The following MBOAT4 variants were observed in gnomAD, a reference collection of about 807,000 sequenced individuals.
MBOAT4 encodes the protein membrane bound ghrelin O-acyltransferase MBOAT4, also known as membrane-bound ghrelin O-acyltransferase MBOAT4.
In MBOAT4, 11 loss-of-function variants were observed where a neutral mutation model predicts 13.2. The ratio of observed to expected loss-of-function variants is 0.84; its 90% CI spans 0.53 to 1.38. MBOAT4 has a LOEUF of 1.38. Among genes scored for constraint, MBOAT4 ranks in the 40% most tolerant of loss-of-function variants. The pLI is 0.00. For synonymous variants in MBOAT4, 202 were observed against 210.3 expected, an observed-to-expected ratio of 0.96 and a Z score of 0.34; for missense variants, 481 against 527.2, an observed-to-expected ratio of 0.91 and a Z score of 0.86.
chr8:30,138,885 C>T lies in MBOAT4; in HGVS notation c.120-129G>A, dbSNP rs965306946. 40 of 626,820 alleles carry T rather than the reference C, an allele frequency of 6.4e-5. No individual in the cohort carries two copies. In the Admixed American group the frequency reaches 1.1e-3, roughly 17 times the overall value. 38.8% of individuals were successfully genotyped at this position (626,820 alleles called of 1,614,324 possible). A position where few individuals can be genotyped will look rare whatever the true frequency, so the allele number is the denominator to read the frequency against. On this transcript the variant is annotated intron_variant, in intron 1 of 2. Coordinates refer to ENST00000320542, the MANE Select transcript of MBOAT4 (RefSeq NM_001100916.2). ...ACACCTAAAGTAGCCATGCTGTTTGCACTCTGGGGCCTTCCTTTTGTTCTT... is the reference window on the plus strand; with the variant it reads ...ACACCTAAAGTAGCCATGCTGTTTGTACTCTGGGGCCTTCCTTTTGTTCTT...
At chr8:30,137,535 G>C in intron 2 of MBOAT4, 1 of 1,431,698 alleles carries the variant, frequency 7.0e-7, no homozygotes, top group Non-Finnish European at 9.6e-7. Flanking sequence ...ACTGCACCAT[G>C]TAGGCAACAC....
chr8:30,134,987 C>T (rs376153002), intron 2 of MBOAT4, among the ~76,000 whole-genome samples: 1 of 152,294 alleles, frequency 6.6e-6, no homozygotes, highest in East Asian at 1.9e-4. Context: ...TCAAGTGATC[C>T]TCCCACCTCT....
chr8:30,143,041 A>G (rs1268547856), intron 1 of MBOAT4, among the ~76,000 whole-genome samples: 6 of 152,200 alleles, frequency 3.9e-5, no homozygotes, highest in Non-Finnish European at 1.5e-5. Context: ...AAAAGGGTTG[A>G]AAAACTAACT....
rs1204414810 is a variant in MBOAT4 at position 30,137,320 on chromosome 8, G to A, written c.344+1212C>T. 9 of 1,551,620 alleles carry A rather than the reference G, an allele frequency of 5.8e-6. No individual in the cohort carries two copies. In the African/African-American group the frequency reaches 1.1e-4, roughly 19 times the overall value. ...CAAGATGGGAACAGCTGAGTCTGAA[G>A]GAAGAGAAACACTGACACAGCAGCT... is the stretch of plus-strand genomic sequence containing the variant. On this transcript the variant is annotated intron_variant, in intron 2 of 2. Transcript: ENST00000320542.
At chr8:30,139,334 A>G (rs992200532) in intron 1 of MBOAT4, among the ~76,000 whole-genome samples, 7 of 151,926 alleles carry the variant, frequency 4.6e-5, no homozygotes, top group Admixed American at 3.3e-4. Flanking sequence ...CTCCCAAGGT[A>G]TTCCACCGCC....
intron 2 of MBOAT4, 98 bp from the exon 3 acceptor site, chr8:30,133,004 G>A (rs1287346595): frequency 2.5e-6 from 3 of 1,220,622 alleles, no homozygotes; most frequent in East Asian, 2.6e-5. Context: ...AAATAGATAG[G>A]TCTGTACAGC....
rs1395202518 is a variant in MBOAT4 at position 30,144,627 on chromosome 8, CT to C, written c.-27del. 2.1e-6 allele frequency: 3 copies of C among 1,452,710 alleles called. No homozygotes were observed. Among genetic ancestry groups the C allele is most frequent in the South Asian group, 2.5e-5 (2 of 81,102 alleles). The allele number at this position is 1,452,710 out of a possible 1,614,324, so 90.0% of individuals were successfully genotyped here. Reference sequence around the variant, plus strand: ...TAGGAACCAGAACAAAAGAGCCTGTCTTTTCCAGTGTCCTTAACTGATGCCT... The same window carrying C: ...TAGGAACCAGAACAAAAGAGCCTGTCTTTCCAGTGTCCTTAACTGATGCCT... On this transcript the variant is annotated 5_prime_UTR_variant, in exon 1 of 3. Transcript: ENST00000320542.
At position 30,140,438 on chromosome 8, in the gene MBOAT4, C is replaced by T. The variant is rs4733393; in HGVS notation, c.120-1682G>A. On this transcript the variant is annotated intron_variant, in intron 1 of 2. Coordinates refer to ENST00000320542, the MANE Select transcript of MBOAT4 (RefSeq NM_001100916.2). ...TCAGCACCAACACTGGCTTTTGGGG[C>T]CCCCTGACTTTCTTCATTCTGTCCT... is the stretch of plus-strand genomic sequence containing the variant. 1.8e-4 allele frequency among the ~76,000 whole-genome samples: 28 copies of T among 151,816 alleles called. 1 individual carries two copies. Among genetic ancestry groups the T allele is most frequent in the African/African-American group, 6.3e-4 (26 of 41,338 alleles).
At position 30,132,166 on chromosome 8, in the gene MBOAT4, T is replaced by A; in HGVS notation, c.1085A>T (p.His362Leu). 6.4e-7 allele frequency: 1 copy of A among 1,551,204 alleles called. No individual in the cohort carries two copies. The highest frequency in any genetic ancestry group is 1.2e-5 in the South Asian group (1 of 84,038). The change falls in exon 3 of 3, where the codon CAC (histidine) becomes CTC (leucine). Residue 362 changes from histidine (H) to leucine (L), a missense_variant. His to Leu is a moderately conservative substitution (Grantham distance 99, BLOSUM62 -3). Transcript: ENST00000320542. ...TCTGATAAACTCATTGGCAAAGGAGTGAATCAGGTAGTCAGCTTCCACCAT... is the reference window on the plus strand; with the variant it reads ...TCTGATAAACTCATTGGCAAAGGAGAGAATCAGGTAGTCAGCTTCCACCAT... ...AVMVEADYLI[H>L]SFANEFIRSW...
chr8:30,135,798 C>A (rs576645460), intron 2 of MBOAT4, among the ~76,000 whole-genome samples: 1 of 151,312 alleles, frequency 6.6e-6, no homozygotes, highest in South Asian at 2.1e-4. Flanking sequence ...CCTGTGGTCC[C>A]AGCTACTGAG....
chr8:30,142,383 T>G (rs1169460911), intron 1 of MBOAT4, among the ~76,000 whole-genome samples: 1 of 151,954 alleles, frequency 6.6e-6, no homozygotes, highest in African/African-American at 2.4e-5. Context: ...TTTGACAGAG[T>G]CTCTCCCTGC....
intron 2 of MBOAT4, chr8:30,137,838 T>C (rs1803181403): frequency 6.4e-6 from 2 of 313,578 alleles, no homozygotes; most frequent in Non-Finnish European, 1.2e-5. Flanking sequence ...TTAGAAATTA[T>C]GGTTTAGGAG....
intron 1 of MBOAT4, among the ~76,000 whole-genome samples, chr8:30,141,090 C>T (rs1402632024): frequency 6.6e-6 from 1 of 152,092 alleles, no homozygotes; most frequent in Non-Finnish European, 1.5e-5. Flanking sequence ...ATCCTCTTGC[C>T]TCAGCTTCTC....
chr8:30,132,426 A>G lies in MBOAT4; in HGVS notation c.825T>C (p.Leu275=). The change falls in exon 3 of 3, where the codon CTT becomes CTC. Residue 275 remains leucine, a synonymous_variant. Coordinates refer to ENST00000320542, the MANE Select transcript of MBOAT4 (RefSeq NM_001100916.2). ...ATCCCTCCTCTCCAGGGCTCTGACC[A>G]AGCTCAGGCCCAAAGCCCGCTGCGT... ...LLHAAGFGPE[L]GQSPGEEGYV... 3 of 1,551,736 alleles carry G rather than the reference A, an allele frequency of 1.9e-6. No individual in the cohort carries two copies. The highest frequency in any genetic ancestry group is 2.6e-6 in the Non-Finnish European group (3 of 1,147,008).
intron 2 of MBOAT4, among the ~76,000 whole-genome samples, chr8:30,135,614 T>C (rs1376131404): frequency 6.6e-6 from 1 of 151,976 alleles, no homozygotes; most frequent in Non-Finnish European, 1.5e-5. Flanking sequence ...AGGAGAACAA[T>C]GAATGAAAAT....
intron 2 of MBOAT4, chr8:30,137,894 C>A: frequency 4.0e-6 from 1 of 251,398 alleles, no homozygotes; most frequent in Non-Finnish European, 7.8e-6. Context: ...TCCAATTGCT[C>A]CTGGGGATAA....
chr8:30,137,879 A>C, intron 2 of MBOAT4: 2 of 252,784 alleles, frequency 7.9e-6, no homozygotes, highest in East Asian at 1.0e-4. Flanking sequence ...AGATTCTGAC[A>C]CTCCTCCAAT....
Position 30,144,333 on chromosome 8 carries a change from G to T in MBOAT4, c.119+150C>A, listed in dbSNP as rs150392644. On this transcript the variant is annotated intron_variant, in intron 1 of 2. Transcript: ENST00000320542. ...GTATTTGCATTAGAGACAGGGTTTC[G>T]CTATGTTGGCCAGGCAGTTCTCAAA... 7.5e-4 allele frequency: 404 copies of T among 536,852 alleles called. 6 individuals are homozygous for T. Among genetic ancestry groups the T allele is most frequent in the Middle Eastern group, 1.9e-3 (5 of 2,580 alleles). The allele number at this position is 536,852 out of a possible 1,614,324, so 33.3% of individuals were successfully genotyped here.
At chr8:30,138,975 ATCTT>A (rs1803211725) in intron 1 of MBOAT4, among the ~76,000 whole-genome samples, 1 of 50,702 alleles carries the variant, frequency 2.0e-5, no homozygotes, top group African/African-American at 6.3e-5. Context: ...TTGGAGACAA[ATCTT>A]TTTTTTTTTT....
Sources: allele counts gnomAD v4.1 joint callset (sites outside exome capture counted in the v4.1 genomes callset), GRCh38; gene constraint gnomAD v4.1.1; transcripts MANE v1.5; gene names NCBI Gene and HGNC (gene_info 2026-07-23, HGNC 2026-07-21).